The following DYNC2H1 variants were observed in gnomAD, a reference collection of about 807,000 sequenced individuals.
DYNC2H1 encodes cytoplasmic dynein 2 heavy chain 1.
A neutral mutation model predicts 570.0 loss-of-function variants in DYNC2H1; 410 were observed. The ratio of observed to expected loss-of-function variants is 0.72; its 90% confidence interval spans 0.66 to 0.78. The LOEUF is 0.78. Ranked by LOEUF, DYNC2H1 falls within the 30% of genes least tolerant of loss-of-function variation. DYNC2H1 has a pLI of 0.00. For synonymous variants in DYNC2H1, 1,688 were observed against 1,677.6 expected (o/e 1.01, Z -0.15); for missense variants, 4,865 against 5,046.4 (o/e 0.96, Z 1.09).
At chr11:103,464,127 GAAAA>G (rs1945112680) in intron 87 of DYNC2H1, among the ~76,000 whole-genome samples, 5 of 152,110 alleles carry the variant, frequency 3.3e-5, no homozygotes, top group Non-Finnish European at 5.9e-5. Context: ...TAATTTTATA[GAAAA>G]ATCTGACAAA....
chr11:103,139,127 G>A (rs1859748011), intron 17 of DYNC2H1, among the ~76,000 whole-genome samples: 1 of 151,868 alleles, frequency 6.6e-6, no homozygotes, highest in South Asian at 2.1e-4. Flanking sequence ...AGTCTTGCTA[G>A]CGGTCTATCA....
In DYNC2H1 at chr11:103,222,114, A is replaced by G. The variant is rs1863610810; in HGVS notation, c.9192A>G (p.Glu3064=). The G allele has an allele frequency of 1.9e-6, 3 of 1,591,512 alleles. No individual in the cohort carries two copies. In the South Asian group the frequency reaches 3.5e-5, roughly 19 times the overall value. ...CAAAGGAAATAAGAGAGAGTGTTGAAGAACTTCTTTTTAAAAATAAAGGCT... is the reference window on the plus strand; with the variant it reads ...CAAAGGAAATAAGAGAGAGTGTTGAGGAACTTCTTTTTAAAAATAAAGGCT... ...NISKEIRESV[E]ELLFKNKGSF... is the part of the protein sequence containing the mutation. The change falls in exon 58 of 89, where the codon GAA becomes GAG. Residue 3064 remains glutamate, a synonymous_variant. Coordinates refer to ENST00000375735, the MANE Select transcript of DYNC2H1 (RefSeq NM_001377.3).
At position 103,462,832 on chromosome 11, in the gene DYNC2H1, G is replaced by A. The variant is rs181407740; in HGVS notation, c.12649-5757G>A. 3.4e-4 allele frequency among the ~76,000 whole-genome samples: 51 copies of A among 152,060 alleles called. No homozygotes were observed. The East Asian group carries it at 9.3e-3, about 28-fold the overall frequency. ...CTCTGGTCTTTGGCATATATGTGACGCCTCTTAATGTTGACCTGTATATCT... is the reference window on the plus strand; with the variant it reads ...CTCTGGTCTTTGGCATATATGTGACACCTCTTAATGTTGACCTGTATATCT... On this transcript the variant is annotated intron_variant, in intron 87 of 88. Coordinates refer to ENST00000375735, the MANE Select transcript of DYNC2H1 (RefSeq NM_001377.3).
chr11:103,288,213 C>A (rs916102539), intron 75 of DYNC2H1, among the ~76,000 whole-genome samples: 10 of 152,038 alleles, frequency 6.6e-5, no homozygotes, highest in Non-Finnish European at 2.9e-5. Context: ...TGTTAGTCTG[C>A]AAAGGCAGAC....
chr11:103,119,476 A>T (rs1362563561), intron 6 of DYNC2H1, among the ~76,000 whole-genome samples: 4 of 152,074 alleles, frequency 2.6e-5, no homozygotes, highest in Non-Finnish European at 5.9e-5. Context: ...AGTAGCTGGG[A>T]CTACAGGTGC....
chr11:103,371,234 AGACT>A (rs1449297251), intron 83 of DYNC2H1, among the ~76,000 whole-genome samples: 4 of 152,150 alleles, frequency 2.6e-5, no homozygotes, highest in African/African-American at 7.2e-5. Context: ...GCTTGAAGAC[AGACT>A]ATTTGAAAAT....
intron 59 of DYNC2H1, among the ~76,000 whole-genome samples, chr11:103,223,933 A>G (rs1863699638): frequency 6.6e-6 from 1 of 151,696 alleles, no homozygotes; most frequent in South Asian, 2.1e-4. Context: ...ATTTTAGTAG[A>G]GAAGGGGTTT....
intron 78 of DYNC2H1, among the ~76,000 whole-genome samples, chr11:103,311,544 C>G (rs190752858): frequency 6.6e-6 from 1 of 151,716 alleles, no homozygotes; most frequent in East Asian, 1.9e-4. Context: ...CCATAACAAT[C>G]AATATCACAT....
At chr11:103,230,961 T>A (rs920820983) in intron 59 of DYNC2H1, among the ~76,000 whole-genome samples, 2 of 152,156 alleles carry the variant, frequency 1.3e-5, no homozygotes, top group African/African-American at 4.8e-5. Context: ...TTTTCTTGGC[T>A]TCATTTTAGT....
At chr11:103,405,982 C>G (rs1942849431) in intron 84 of DYNC2H1, 2 of 151,940 alleles carry the variant, frequency 1.3e-5, no homozygotes, top group South Asian at 4.2e-4. Flanking sequence ...CTTTCCCCGA[C>G]AAGGGCAGGA....
chr11:103,390,791 A>G (rs1454040487), intron 83 of DYNC2H1, among the ~76,000 whole-genome samples: 2 of 152,178 alleles, frequency 1.3e-5, no homozygotes, highest in African/African-American at 4.8e-5. Context: ...TTCTGGGTTG[A>G]AAATTCTTTT....
intron 17 of DYNC2H1, among the ~76,000 whole-genome samples, chr11:103,136,753 G>T (rs1350962994): frequency 6.6e-6 from 1 of 152,140 alleles, no homozygotes; most frequent in Non-Finnish European, 1.5e-5. Context: ...TAATGGGATG[G>T]CTGGGTCAAA....
intron 42 of DYNC2H1, among the ~76,000 whole-genome samples, chr11:103,187,048 G>T (rs1291259113): frequency 1.3e-5 from 2 of 151,882 alleles, no homozygotes; most frequent in Admixed American, 1.3e-4. Flanking sequence ...TGGGGAAACA[G>T]GGTTGGTATA....
At chr11:103,342,459 ACT>A (rs1450832736) in intron 82 of DYNC2H1, among the ~76,000 whole-genome samples, 1 of 149,876 alleles carries the variant, frequency 6.7e-6, no homozygotes, top group Non-Finnish European at 1.5e-5. Context: ...TTGTTCTTTC[ACT>A]CTTCGCAATA....
chr11:103,226,347 G>C (rs955633220), intron 59 of DYNC2H1, among the ~76,000 whole-genome samples: 2 of 152,124 alleles, frequency 1.3e-5, no homozygotes, highest in Non-Finnish European at 2.9e-5. Context: ...TGTTGGCTGT[G>C]GGTTTGCCAT....
Position 103,177,660 on chromosome 11 carries a change from G to A in DYNC2H1, c.5979G>A (p.Arg1993=), listed in dbSNP as rs773342064. 3 of 1,613,320 alleles carry A rather than the reference G, an allele frequency of 1.9e-6. No homozygotes were observed. Among genetic ancestry groups the A allele is most frequent in the African/African-American group, 2.7e-5 (2 of 74,968 alleles). ...AGKSTLWRML[R]AALCKTGKVV... is the part of the protein sequence containing the mutation. Reference sequence around the variant, plus strand: ...AATCAACGCTTTGGAGAATGTTAAGGGCTGCGCTTTGTAAAACTGGCAAAG... The same window carrying A: ...AATCAACGCTTTGGAGAATGTTAAGAGCTGCGCTTTGTAAAACTGGCAAAG... Residue 1993 remains arginine, a synonymous_variant, in exon 38 of 89, where the codon AGG becomes AGA. Coordinates refer to ENST00000375735, the MANE Select transcript of DYNC2H1 (RefSeq NM_001377.3). This position sits in a 1 kb window ranked among gnomAD's most constrained non-coding sequence, Gnocchi z 4.4.
intron 83 of DYNC2H1, among the ~76,000 whole-genome samples, chr11:103,371,126 A>C (rs1941128068): frequency 6.6e-6 from 1 of 152,134 alleles, no homozygotes; most frequent in Non-Finnish European, 1.5e-5. Context: ...AATTAAAAAG[A>C]ATCAGGCAGA....
At chr11:103,191,477 A>G in intron 45 of DYNC2H1, 40 bp from the exon 46 acceptor site, 1 of 1,438,088 alleles carries the variant, frequency 7.0e-7, no homozygotes, top group Non-Finnish European at 9.6e-7. Flanking sequence ...ATTATTATTT[A>G]AGGCAGTAGA....
chr11:103,287,240 C>T (rs141129846), intron 74 of DYNC2H1, among the ~76,000 whole-genome samples: 143 of 152,220 alleles, frequency 9.4e-4, no homozygotes, highest in African/African-American at 3.1e-3. Flanking sequence ...GCCTCATCTA[C>T]GTACCATGAT....
Sources: gnomAD v4.1 joint callset for allele counts (sites outside exome capture counted in the v4.1 genomes callset) on GRCh38, gnomAD v4.1.1 for gene constraint, Gnocchi (gnomAD v3.1) non-coding constraint, MANE v1.5 for transcripts, NCBI Gene and HGNC (gene_info 2026-07-23, HGNC 2026-07-21) for gene names.